DHX57: variants seen among roughly 807,000 people sequenced by gnomAD.
DHX57 encodes the protein DExH-box helicase 57, also known as putative ATP-dependent RNA helicase DHX57.
Under a neutral mutation model 156.2 loss-of-function variants are expected in DHX57, and 105 were observed. That is an observed-to-expected ratio of 0.67 (90% CI 0.57 to 0.79). The LOEUF is 0.79. DHX57 is among the 30% of genes least tolerant of loss of function. The probability of loss-of-function intolerance (pLI) is 0.00; values close to 1 mark genes in which losing one functional copy is unlikely to be tolerated. For missense variants in DHX57, 1,847 were observed against 1,661.9 expected (o/e 1.11, Z -1.94); for synonymous variants, 704 against 595.6 (o/e 1.18, Z -2.65).
intron 9 of DHX57, among the ~76,000 whole-genome samples, chr2:38,852,267 C>G (rs578260460): frequency 6.6e-6 from 1 of 151,050 alleles, no homozygotes; most frequent in Non-Finnish European, 1.5e-5. Context: ...ACCTCCGCCT[C>G]CCAGGTTCAA....
chr2:38,862,768 C>T (rs946497050), intron 3 of DHX57: 1 of 155,338 alleles, frequency 6.4e-6, no homozygotes, highest in Non-Finnish European at 1.4e-5. Context: ...AAAACACTAT[C>T]CCTAATTGTT....
chr2:38,814,728 G>GTTT (rs35597361), intron 20 of DHX57, among the ~76,000 whole-genome samples: 4 of 149,516 alleles, frequency 2.7e-5, no homozygotes, highest in African/African-American at 4.9e-5. Flanking sequence ...AGAAAACCCT[G>GTTT]TTTTTTTTTT....
At chr2:38,832,803 G>T (rs1216824339) in intron 13 of DHX57, among the ~76,000 whole-genome samples, 1 of 151,894 alleles carries the variant, frequency 6.6e-6, no homozygotes, top group Non-Finnish European at 1.5e-5. Flanking sequence ...CTCCCAAAGT[G>T]CTGGCATTTC....
intron 9 of DHX57, 22 bp from the exon 10 acceptor site, chr2:38,848,424 C>G (rs368967595): frequency 5.0e-5 from 79 of 1,567,006 alleles, no homozygotes; most frequent in Admixed American, 1.0e-4. Flanking sequence ...AAAAGAAACA[C>G]CTGAGGATCA....
At chr2:38,811,208 C>G in intron 21 of DHX57, 1 of 495,612 alleles carries the variant, frequency 2.0e-6, no homozygotes, top group Non-Finnish European at 3.9e-6. Flanking sequence ...ATCACTGCGG[C>G]CCTTGGACTG....
At chr2:38,867,419 G>A (rs919022651) in intron 2 of DHX57, among the ~76,000 whole-genome samples, 2 of 152,178 alleles carry the variant, frequency 1.3e-5, no homozygotes, top group Non-Finnish European at 2.9e-5. Flanking sequence ...TTAGTTAAAA[G>A]TTGAACAGGA....
chr2:38,867,935 A>G (rs552330489), intron 2 of DHX57, among the ~76,000 whole-genome samples: 2 of 152,216 alleles, frequency 1.3e-5, no homozygotes, highest in East Asian at 3.9e-4. Context: ...TCATCACACT[A>G]TTTCTGTATT....
rs1293543126 is a variant in DHX57, at chr2:38,861,597, G to C, written c.813C>G (p.Val271=). 6 of 1,614,070 alleles carry C rather than the reference G, an allele frequency of 3.7e-6. No homozygotes were observed. Among genetic ancestry groups the C allele is most frequent in the Non-Finnish European group, 5.1e-6 (6 of 1,180,058 alleles). Residue 271 remains valine, a synonymous_variant, in exon 5 of 24, where the codon GTC becomes GTG. Coordinates refer to ENST00000457308, the MANE Select transcript of DHX57 (RefSeq NM_198963.3). The part of the protein sequence containing the change: ...EKFIERIQNR[V]WTIGLELEYL... ...ACTCCAGTTCTAACCCAATGGTCCA[G>C]ACTCTGTTCTGAATTCTTTCTATAA...
chr2:38,849,191 A>G (rs1465914191), intron 9 of DHX57, among the ~76,000 whole-genome samples: 2 of 152,226 alleles, frequency 1.3e-5, no homozygotes, highest in Non-Finnish European at 1.5e-5. Flanking sequence ...TAATTATAAC[A>G]ATATCATCCA....
chr2:38,843,431 A>G (rs1672114272), intron 11 of DHX57, among the ~76,000 whole-genome samples: 1 of 152,198 alleles, frequency 6.6e-6, no homozygotes, highest in African/African-American at 2.4e-5. Flanking sequence ...GAATTTGGAG[A>G]AAAGCTCTAT....
chr2:38,843,298 C>A, intron 11 of DHX57, 88 bp from the exon 12 acceptor site: 1 of 1,335,368 alleles, frequency 7.5e-7, no homozygotes, highest in South Asian at 1.2e-5. Context: ...GCTCGTTCAG[C>A]AAAATGTCAC....
chr2:38,854,319 A>G (rs1672767004), intron 8 of DHX57, 141 bp from the exon 9 acceptor site: 2 of 763,768 alleles, frequency 2.6e-6, no homozygotes, highest in Non-Finnish European at 3.9e-6. Context: ...CATACTAAAC[A>G]TAGTTTCTTG....
chr2:38,836,775 C>CAAAAAAAAAAA (rs964200602), intron 13 of DHX57, among the ~76,000 whole-genome samples: 22 of 42,232 alleles, frequency 5.2e-4, no homozygotes, highest in African/African-American at 7.3e-4. Flanking sequence ...GACCCTGTCT[C>CAAAAAAAAAAA]AAAAAAAAAA....
chr2:38,834,937 C>T (rs895037185), intron 13 of DHX57, among the ~76,000 whole-genome samples: 1 of 152,082 alleles, frequency 6.6e-6, no homozygotes, highest in African/African-American at 2.4e-5. Context: ...TGCTATAAGG[C>T]ATACCTGTAT....
intron 20 of DHX57, among the ~76,000 whole-genome samples, chr2:38,814,773 A>G (rs974140629): frequency 1.3e-5 from 2 of 151,710 alleles, no homozygotes; most frequent in African/African-American, 2.4e-5. Context: ...CCCAGGCTGG[A>G]GTGCAATGGC....
chr2:38,860,852 A>G (rs892719422), intron 5 of DHX57, 147 bp downstream of exon 5: 3 of 691,120 alleles, frequency 4.3e-6, no homozygotes, highest in South Asian at 4.2e-5. Context: ...CAGTTCAGGG[A>G]ATTCTCATTC....
chr2:38,860,267 T>C (rs539938315), intron 5 of DHX57, among the ~76,000 whole-genome samples: 1 of 152,190 alleles, frequency 6.6e-6, no homozygotes, highest in South Asian at 2.1e-4. Context: ...CTGGCCAACA[T>C]GGTGAAACCC....
At chr2:38,875,293 T>A (rs1665555496) in intron 1 of DHX57, among the ~76,000 whole-genome samples, 1 of 152,202 alleles carries the variant, frequency 6.6e-6, no homozygotes, top group Non-Finnish European at 1.5e-5. Flanking sequence ...GAGTATTCTT[T>A]GTTTGATAGC....
Position 38,861,514 on chromosome 2 carries a change from T to A in DHX57, c.896A>T (p.Glu299Val). 1 of 1,614,154 alleles carries A rather than the reference T, an allele frequency of 6.2e-7. No homozygotes were observed. Residue 299 changes from glutamate to valine, a missense_variant, in exon 5 of 24, where the codon GAG becomes GTG. Coordinates refer to ENST00000457308, the MANE Select transcript of DHX57 (RefSeq NM_198963.3). ...KPKESTKNVQ[E>V]NSLEICKFYL... is the part of the protein sequence containing the mutation. The stretch of plus-strand genomic sequence containing the variant: ...AAATTTACAGATTTCAAGTGAATTC[T>A]CTTGTACATTTTTGGTACTTTCTTT...
Sources: gnomAD v4.1 joint callset for allele counts (sites outside exome capture counted in the v4.1 genomes callset) on GRCh38, gnomAD v4.1.1 for gene constraint, MANE v1.5 for transcripts, NCBI Gene and HGNC (gene_info 2026-07-23, HGNC 2026-07-21) for gene names.